WWOX: variants seen among roughly 807,000 people sequenced by gnomAD.
WWOX encodes the protein WW domain-containing oxidoreductase.
WWOX carries 69 observed loss-of-function variants against 46.2 expected under a neutral mutation model. The ratio of observed to expected loss-of-function variants is 1.49; its 90% confidence interval spans 1.23 to 1.82. The LOEUF (loss-of-function observed/expected upper bound fraction) is 1.82, where lower values mean the gene tolerates loss of function less well. Among genes scored for constraint, WWOX ranks in the 40% most tolerant of loss-of-function variants. The pLI is 0.00. For missense variants in WWOX, 919 were observed against 542.6 expected (o/e 1.69, Z -6.89); for synonymous variants, 359 against 202.6 (o/e 1.77, Z -6.56).
intron 8 of WWOX, among the ~76,000 whole-genome samples, chr16:78,548,152 C>CAAAAAA (rs11320544): frequency 2.9e-5 from 1 of 34,270 alleles, no homozygotes; most frequent in African/African-American, 8.2e-5. Context: ...AAGACTGTCT[C>CAAAAAA]AAAAAAAAAA....
chr16:79,142,825 A>G (rs1411106063), intron 8 of WWOX, among the ~76,000 whole-genome samples: 1 of 152,036 alleles, frequency 6.6e-6, no homozygotes, highest in Non-Finnish European at 1.5e-5. Flanking sequence ...CAGTCTCCCA[A>G]GTAGCTGGGA....
At chr16:79,209,279 A>C (rs2051629798) in intron 8 of WWOX, among the ~76,000 whole-genome samples, 1 of 152,242 alleles carries the variant, frequency 6.6e-6, no homozygotes, top group East Asian at 1.9e-4. Context: ...TGGCATTCTG[A>C]ATCAATGGGA....
At chr16:78,521,345 C>A (rs574380368) in intron 8 of WWOX, among the ~76,000 whole-genome samples, 3 of 152,210 alleles carry the variant, frequency 2.0e-5, no homozygotes, top group African/African-American at 7.2e-5. Flanking sequence ...TATGAGCCAC[C>A]AAGCCTAGCC....
intron 8 of WWOX, among the ~76,000 whole-genome samples, chr16:78,985,580 CA>C (rs1168963859): frequency 6.6e-6 from 1 of 152,176 alleles, no homozygotes; most frequent in African/African-American, 2.4e-5. Flanking sequence ...ACCAGCCTGA[CA>C]AACATGGTGA....
At chr16:79,059,055 A>G (rs1387988097) in intron 8 of WWOX, among the ~76,000 whole-genome samples, 1 of 152,250 alleles carries the variant, frequency 6.6e-6, no homozygotes, top group East Asian at 1.9e-4. Flanking sequence ...GTTATCAGTC[A>G]TAAGCTTTAT....
At chr16:78,987,460 A>G (rs539310224) in intron 8 of WWOX, among the ~76,000 whole-genome samples, 164 of 152,114 alleles carry the variant, frequency 1.1e-3, no homozygotes, top group African/African-American at 3.5e-3. Flanking sequence ...TTTTCTAGCA[A>G]CTCTCGAGAG....
At chr16:79,149,327 T>C (rs1205614023) in intron 8 of WWOX, among the ~76,000 whole-genome samples, 1 of 152,204 alleles carries the variant, frequency 6.6e-6, no homozygotes, top group Non-Finnish European at 1.5e-5. Context: ...TTTGATATGG[T>C]GGACTATATT....
chr16:78,146,115 A>G (rs1013572835), intron 4 of WWOX, among the ~76,000 whole-genome samples: 1 of 152,104 alleles, frequency 6.6e-6, no homozygotes, highest in Non-Finnish European at 1.5e-5. Flanking sequence ...CCAGATAACA[A>G]TTCTAGTTGC....
chr16:78,461,232 C>G (rs1056742586), intron 8 of WWOX, among the ~76,000 whole-genome samples: 1 of 152,182 alleles, frequency 6.6e-6, no homozygotes, highest in Non-Finnish European at 1.5e-5. Context: ...CCCACCTGTC[C>G]AATTCTAGCT....
chr16:79,087,138 C>T (rs534602856), intron 8 of WWOX, among the ~76,000 whole-genome samples: 116 of 152,160 alleles, frequency 7.6e-4, no homozygotes, highest in Non-Finnish European at 1.4e-3. Flanking sequence ...AGCCAAGTGG[C>T]ATGATGAGGA....
At chr16:79,033,204 G>T (rs1478320523) in intron 8 of WWOX, among the ~76,000 whole-genome samples, 1 of 134,860 alleles carries the variant, frequency 7.4e-6, no homozygotes, top group African/African-American at 2.9e-5. Context: ...ATATAAATAT[G>T]TGTATATATA....
chr16:78,916,119 G>A (rs557863176), intron 8 of WWOX, among the ~76,000 whole-genome samples: 40 of 152,226 alleles, frequency 2.6e-4, no homozygotes, highest in African/African-American at 7.7e-4. Flanking sequence ...GTGTACTCCC[G>A]CACAGATAAC....
In WWOX at chr16:79,211,714, C is replaced by G; in HGVS notation, c.1163C>G (p.Ala388Gly). Reference sequence around the variant, plus strand: ...TGCCGCTGCATGCCCTCACCAGAAGCTCAGAGCGAAGAGACGGCCCGGACC... The same window carrying G: ...TGCCGCTGCATGCCCTCACCAGAAGGTCAGAGCGAAGAGACGGCCCGGACC... ...NCCRCMPSPEAQSEETARTLW... is the reference protein window; with the variant it reads ...NCCRCMPSPEGQSEETARTLW... Residue 388 changes from alanine to glycine, a missense_variant, in exon 9 of 9, where the codon GCT (alanine) becomes GGT (glycine). By Grantham distance (60) the Ala-to-Gly change is moderately conservative (BLOSUM62 0). Transcript: ENST00000566780. 1 of 1,614,226 alleles carries G rather than the reference C, an allele frequency of 6.2e-7. No individual in the cohort carries two copies. The highest frequency in any genetic ancestry group is 8.5e-7 in the Non-Finnish European group (1 of 1,180,042).
intron 8 of WWOX, among the ~76,000 whole-genome samples, chr16:78,714,568 A>G (rs2048519605): frequency 1.3e-5 from 2 of 152,082 alleles, no homozygotes; most frequent in Admixed American, 6.6e-5. Flanking sequence ...TCTATATTCA[A>G]GACACTATTC....
chr16:78,951,822 A>G (rs529861043), intron 8 of WWOX, among the ~76,000 whole-genome samples: 96 of 152,160 alleles, frequency 6.3e-4, no homozygotes, highest in Non-Finnish European at 8.4e-4. Context: ...GTCTGAGCAG[A>G]GTAAGAGGCA....
chr16:78,761,120 A>C (rs1472570336), intron 8 of WWOX, among the ~76,000 whole-genome samples: 1 of 152,186 alleles, frequency 6.6e-6, no homozygotes, highest in African/African-American at 2.4e-5. Flanking sequence ...GAGCCAAACC[A>C]TATTACAGGC....
Position 78,341,091 on chromosome 16 carries a change from TC to T in WWOX, c.517-45765del, listed in dbSNP as rs2081004689. Among the ~76,000 whole-genome samples the T allele has an allele frequency of 1.8e-5, 2 of 110,102 alleles. 1 individual carries two copies. Among genetic ancestry groups the T allele is most frequent in the African/African-American group, 6.6e-5 (2 of 30,518 alleles). 72.2% of individuals were successfully genotyped at this position (110,102 alleles called of 152,430 possible). A position where few individuals can be genotyped will look rare whatever the true frequency, so the allele number is the denominator to read the frequency against. On this transcript the variant is annotated intron_variant, in intron 5 of 8. Coordinates refer to ENST00000566780, the MANE Select transcript of WWOX (RefSeq NM_016373.4). The stretch of plus-strand genomic sequence containing the variant: ...TAGGAATTGTGTTACTTCTCAGCTG[TC>T]CCCATGGCTAGCTTAAGACTCAGCT...
At chr16:78,729,016 C>G (rs1286254926) in intron 8 of WWOX, among the ~76,000 whole-genome samples, 1 of 152,054 alleles carries the variant, frequency 6.6e-6, no homozygotes, top group Non-Finnish European at 1.5e-5. Context: ...AGGGTCATCC[C>G]CCTAAAGATA....
intron 8 of WWOX, among the ~76,000 whole-genome samples, chr16:78,794,266 C>A (rs1405568729): frequency 1.3e-5 from 2 of 152,158 alleles, no homozygotes; most frequent in Non-Finnish European, 1.5e-5. Flanking sequence ...TTTGCTGCTT[C>A]CTTGATCTTG....
Sources: gnomAD v4.1 joint callset for allele counts (sites outside exome capture counted in the v4.1 genomes callset) on GRCh38, gnomAD v4.1.1 for gene constraint, MANE v1.5 for transcripts, NCBI Gene and HGNC (gene_info 2026-07-23, HGNC 2026-07-21) for gene names.